SPATA17: variants seen among roughly 807,000 people sequenced by gnomAD.
SPATA17 encodes the protein spermatogenesis-associated protein 17.
Under a neutral mutation model 62.2 loss-of-function variants are expected in SPATA17, and 53 were observed. That is an observed-to-expected ratio of 0.85 (90% confidence interval 0.68 to 1.07). The LOEUF is 1.07. SPATA17 is among the 50% of genes least tolerant of loss of function. The pLI is 0.00. For synonymous variants in SPATA17, 146 were observed against 146.8 expected (o/e 0.99, Z 0.04); for missense variants, 466 against 425.5 (o/e 1.10, Z -0.84).
At chr1:217,654,110 A>G (rs1316167981) in intron 3 of SPATA17, among the ~76,000 whole-genome samples, 1 of 149,832 alleles carries the variant, frequency 6.7e-6, no homozygotes, top group African/African-American at 2.5e-5. Flanking sequence ...ATTTTGACAT[A>G]TGATTTTTAT....
intron 5 of SPATA17, among the ~76,000 whole-genome samples, chr1:217,705,518 G>A (rs1470543032): frequency 8.2e-6 from 1 of 121,268 alleles, no homozygotes; most frequent in African/African-American, 3.2e-5. Context: ...TTGGTTCACT[G>A]CAACCTGTGC....
chr1:217,764,901 T>C (rs1022934946), intron 6 of SPATA17, among the ~76,000 whole-genome samples: 3 of 152,148 alleles, frequency 2.0e-5, no homozygotes, highest in African/African-American at 7.2e-5. Flanking sequence ...TAAATTCTAG[T>C]AATTTAACTT....
chr1:217,726,375 A>G (rs1279881629), intron 5 of SPATA17, among the ~76,000 whole-genome samples: 1 of 152,180 alleles, frequency 6.6e-6, no homozygotes, highest in Non-Finnish European at 1.5e-5. Flanking sequence ...ATTTGCCATC[A>G]GTTGTCAACC....
chr1:217,805,457 T>A (rs1674410991), intron 9 of SPATA17, among the ~76,000 whole-genome samples: 1 of 152,136 alleles, frequency 6.6e-6, no homozygotes, highest in South Asian at 2.1e-4. Context: ...GTTCTGGAGA[T>A]CTATTATACA....
At chr1:217,674,908 G>A (rs1237491226) in intron 4 of SPATA17, among the ~76,000 whole-genome samples, 2 of 152,150 alleles carry the variant, frequency 1.3e-5, no homozygotes, top group African/African-American at 2.4e-5. Flanking sequence ...GAGGGGAGCT[G>A]TAGGTAGTAT....
chr1:217,704,629 C>T (rs1157437873), intron 5 of SPATA17, among the ~76,000 whole-genome samples: 1 of 152,148 alleles, frequency 6.6e-6, no homozygotes, highest in Non-Finnish European at 1.5e-5. Context: ...TTATTTCCCA[C>T]TTACAAGTGA....
At chr1:217,709,599 C>T (rs1414099005) in intron 5 of SPATA17, among the ~76,000 whole-genome samples, 1 of 152,180 alleles carries the variant, frequency 6.6e-6, no homozygotes, top group East Asian at 1.9e-4. Context: ...CATCCCATCG[C>T]TTTTGCTATT....
chr1:217,855,205 C>A lies in SPATA17; in HGVS notation c.1006-7569C>A, dbSNP rs1202094356. On this transcript the variant is annotated intron_variant, in intron 9 of 10. Coordinates refer to ENST00000366933, the MANE Select transcript of SPATA17 (RefSeq NM_138796.4). ...TGAACGTTTTTGCAGCATATTTTCC[C>A]ACAGATTAACTACATGCAAGCCAAA... 2.0e-5 allele frequency among the ~76,000 whole-genome samples: 3 copies of A among 152,250 alleles called. No individual in the cohort carries two copies. In the East Asian group the frequency reaches 5.8e-4, roughly 29 times the overall value.
chr1:217,653,362 A>G (rs1276587551), intron 3 of SPATA17, among the ~76,000 whole-genome samples: 1 of 152,220 alleles, frequency 6.6e-6, no homozygotes, highest in East Asian at 1.9e-4. Flanking sequence ...GTTTAAGTGT[A>G]GATATTGGAT....
At chr1:217,768,883 A>C (rs1457047029) in intron 6 of SPATA17, among the ~76,000 whole-genome samples, 1 of 152,148 alleles carries the variant, frequency 6.6e-6, no homozygotes, top group Admixed American at 6.5e-5. Context: ...TTCAAAAGTT[A>C]TTAGAGGGCG....
rs570378700 is a variant in SPATA17 at position 217,842,205 on chromosome 1, C to A, written c.1006-20569C>A. Among the ~76,000 whole-genome samples the A allele has an allele frequency of 9.9e-4, 150 of 152,012 alleles. 1 individual carries two copies. Among genetic ancestry groups the A allele is most frequent in the African/African-American group, 3.4e-3 (143 of 41,516 alleles). The stretch of plus-strand genomic sequence containing the variant: ...TTTTATTTTTACATATTCCTGCATT[C>A]AATTTGCTAATACTTTATTGTTTTT... On this transcript the variant is annotated intron_variant, in intron 9 of 10. Transcript: ENST00000366933.
intron 6 of SPATA17, among the ~76,000 whole-genome samples, chr1:217,749,053 A>C (rs1365367699): frequency 6.6e-6 from 1 of 152,042 alleles, no homozygotes; most frequent in African/African-American, 2.4e-5. Flanking sequence ...TGCACATTAC[A>C]TTTGTGTGGG....
In SPATA17 at chr1:217,820,487, G is replaced by C. The variant is rs1254266444; in HGVS notation, c.1005+18637G>C. Among the ~76,000 whole-genome samples, 3 of 151,824 alleles carry C rather than the reference G, an allele frequency of 2.0e-5. No homozygotes were observed. The South Asian group carries it at 6.2e-4, about 32-fold the overall frequency. Reference sequence around the variant, plus strand: ...TAATGTTAAAACTTGAAAATGGATTGAGTATGATGTTTTCTGATTACTTTT... The same window carrying C: ...TAATGTTAAAACTTGAAAATGGATTCAGTATGATGTTTTCTGATTACTTTT... On this transcript the variant is annotated intron_variant, in intron 9 of 10. Transcript: ENST00000366933.
At chr1:217,849,227 T>A (rs922159336) in intron 9 of SPATA17, among the ~76,000 whole-genome samples, 1 of 152,160 alleles carries the variant, frequency 6.6e-6, no homozygotes, top group Non-Finnish European at 1.5e-5. Flanking sequence ...GGCACAGAAA[T>A]GTTAGTTTAA....
intron 9 of SPATA17, among the ~76,000 whole-genome samples, chr1:217,853,259 A>G (rs544386578): frequency 2.6e-5 from 4 of 152,302 alleles, no homozygotes; most frequent in East Asian, 1.9e-4. Context: ...TCGCTTATTC[A>G]TTACCTTATT....
intron 6 of SPATA17, among the ~76,000 whole-genome samples, chr1:217,762,130 A>G (rs1253515591): frequency 6.6e-6 from 1 of 151,850 alleles, no homozygotes; most frequent in East Asian, 1.9e-4. Context: ...TCATTTCTTT[A>G]ATGTGCACAC....
At chr1:217,704,465 T>C (rs987251853) in intron 5 of SPATA17, among the ~76,000 whole-genome samples, 2 of 151,184 alleles carry the variant, frequency 1.3e-5, no homozygotes, top group Non-Finnish European at 3.0e-5. Context: ...TTAGCCAGGA[T>C]GGTCTCGATC....
chr1:217,786,140 C>T (rs1673855879), intron 8 of SPATA17, among the ~76,000 whole-genome samples: 1 of 152,096 alleles, frequency 6.6e-6, no homozygotes, highest in African/African-American at 2.4e-5. Flanking sequence ...GCTCTAGGGA[C>T]ATAGTGGTGA....
chr1:217,776,677 A>T (rs982874438), intron 7 of SPATA17, among the ~76,000 whole-genome samples: 1 of 117,966 alleles, frequency 8.5e-6, no homozygotes, highest in Non-Finnish European at 1.7e-5. Flanking sequence ...TGTCTCTATT[A>T]AAAAAAAAAA....
Sources: allele counts gnomAD v4.1 joint callset (sites outside exome capture counted in the v4.1 genomes callset), GRCh38; gene constraint gnomAD v4.1.1; transcripts MANE v1.5; gene names NCBI Gene and HGNC (gene_info 2026-07-23, HGNC 2026-07-21).